Variants in FAF1 observed in about 807,000 individuals in gnomAD.
The protein encoded by FAF1 is FAS-associated factor 1.
In FAF1, 25 loss-of-function variants were observed where a neutral mutation model predicts 92.5. The observed-to-expected ratio is 0.27, with a 90% confidence interval of 0.20 to 0.38. FAF1 has a LOEUF of 0.38. Ranked by LOEUF, FAF1 falls within the 10% of genes least tolerant of loss-of-function variation. The pLI, the probability that FAF1 is intolerant of heterozygous loss-of-function variation, is 1.00. For missense variants in FAF1, 636 were observed against 793.3 expected, an observed-to-expected ratio of 0.80 and a Z score of 2.38; for synonymous variants, 234 against 273.2, an observed-to-expected ratio of 0.86 and a Z score of 1.42.
intron 17 of FAF1, among the ~76,000 whole-genome samples, chr1:50,481,287 C>T (rs1646701263): frequency 1.3e-5 from 2 of 152,218 alleles, no homozygotes; most frequent in South Asian, 4.1e-4. Context: ...TATTCACTCA[C>T]CACTTGCTCA....
intron 1 of FAF1, among the ~76,000 whole-genome samples, chr1:50,868,731 G>A (rs898172920): frequency 2.6e-5 from 4 of 152,080 alleles, no homozygotes; most frequent in Non-Finnish European, 4.4e-5. Flanking sequence ...TCTTTTTGCT[G>A]TTGATTTGTA....
intron 7 of FAF1, among the ~76,000 whole-genome samples, chr1:50,694,703 T>C (rs1180718645): frequency 6.7e-6 from 1 of 149,218 alleles, no homozygotes; most frequent in East Asian, 2.0e-4. Context: ...CTCAGCACTT[T>C]GGGAGGCCGA....
Position 50,490,463 on chromosome 1 carries a change from A to AAGGAAG in FAF1, c.1653+124_1653+125insCTTCCT, listed in dbSNP as rs1557966795. On this transcript the variant is annotated intron_variant, in intron 17 of 18. Coordinates refer to ENST00000396153, the MANE Select transcript of FAF1 (RefSeq NM_007051.3). The stretch of plus-strand genomic sequence containing the variant: ...AGGAAGGAAGGAAGGAAGGAAGGAA[A>AAGGAAG]AAGAAAGAAGGAAGGAAGGAAGGAA... The AAGGAAG allele has an allele frequency of 1.2e-3, 675 of 565,334 alleles. 16 individuals carry two copies. The highest frequency in any genetic ancestry group is 1.6e-3 in the Non-Finnish European group (495 of 318,504). The allele number at this position is 565,334 out of a possible 1,614,324, so 35.0% of individuals were successfully genotyped here.
intron 7 of FAF1, among the ~76,000 whole-genome samples, chr1:50,663,998 C>CT (rs555597172): frequency 0.031 from 3,980 of 128,740 alleles, 225 homozygotes; most frequent in Admixed American, 0.099. Flanking sequence ...ATCTGTTAAT[C>CT]TTTTTTTTTT....
rs1557502961 is a variant in FAF1 at position 50,739,396 on chromosome 1, A to ATACATATATG, written c.460-443_460-442insCATATATGTA. Among the ~76,000 whole-genome samples the ATACATATATG allele has an allele frequency of 1.3e-3, 156 of 117,664 alleles. 1 individual carries two copies. The highest frequency in any genetic ancestry group is 7.2e-3 in the African/African-American group (154 of 21,284). The allele number at this position is 117,664 out of a possible 152,430, so 77.2% of individuals were successfully genotyped here. A position where few individuals can be genotyped will look rare whatever the true frequency, so the allele number is the denominator to read the frequency against. ...CATACATATACATATATGTGTGTTT[A>ATACATATATG]TGTGTATGTGTATACATGTGAGTGT... On this transcript the variant is annotated intron_variant, in intron 5 of 18. Transcript: ENST00000396153.
chr1:50,630,833 T>C (rs1383588729), intron 8 of FAF1, among the ~76,000 whole-genome samples: 1 of 144,144 alleles, frequency 6.9e-6, no homozygotes, highest in Non-Finnish European at 1.5e-5. Context: ...CATATCTTTT[T>C]TTTTTTTTTT....
intron 2 of FAF1, among the ~76,000 whole-genome samples, chr1:50,831,080 T>C (rs183569781): frequency 3.3e-5 from 5 of 152,058 alleles, no homozygotes; most frequent in African/African-American, 1.2e-4. Flanking sequence ...AACCATAGTA[T>C]ATAGAAAAAT....
At chr1:50,722,606 G>A (rs935317306) in intron 6 of FAF1, among the ~76,000 whole-genome samples, 7 of 143,550 alleles carry the variant, frequency 4.9e-5, no homozygotes, top group East Asian at 4.1e-4. Flanking sequence ...CTGAGATCGC[G>A]CCACTGCACT....
intron 7 of FAF1, among the ~76,000 whole-genome samples, chr1:50,694,729 T>G (rs1657109036): frequency 6.8e-6 from 1 of 147,576 alleles, no homozygotes; most frequent in African/African-American, 2.5e-5. Flanking sequence ...GCGGATCACC[T>G]GAGGTCAGGA....
chr1:50,926,018 C>A (rs779523006), intron 1 of FAF1, among the ~76,000 whole-genome samples: 5 of 152,090 alleles, frequency 3.3e-5, no homozygotes, highest in Non-Finnish European at 7.4e-5. Flanking sequence ...GAGTTGAAGA[C>A]CAGGCTGGGT....
At chr1:50,935,571 A>G (rs1382990076) in intron 1 of FAF1, among the ~76,000 whole-genome samples, 1 of 151,836 alleles carries the variant, frequency 6.6e-6, no homozygotes, top group African/African-American at 2.4e-5. Context: ...CCCAGGTTCA[A>G]GCAATTCTCA....
intron 17 of FAF1, among the ~76,000 whole-genome samples, chr1:50,487,494 T>C (rs796995307): frequency 9.2e-5 from 14 of 152,338 alleles, no homozygotes; most frequent in African/African-American, 3.4e-4. Context: ...TTCTTGAAAC[T>C]GATTTTGGAA....
chr1:50,924,695 TAC>T, intron 1 of FAF1, among the ~76,000 whole-genome samples: 1 of 152,204 alleles, frequency 6.6e-6, no homozygotes, highest in East Asian at 1.9e-4. Context: ...TAATAAAAGA[TAC>T]ATAGGCTAGG....
At position 50,539,584 on chromosome 1, in the gene FAF1, T is replaced by C. The variant is rs367877788; in HGVS notation, c.1405+8A>G. ...AAGGCTTTACTCTCCTTGTGACATG[T>C]ACTTTACCTTGTATCACATTCAACA... On this transcript the variant is annotated splice_region_variant and intron_variant, in intron 14 of 18. Coordinates refer to ENST00000396153, the MANE Select transcript of FAF1 (RefSeq NM_007051.3). 1.2e-4 allele frequency: 190 copies of C among 1,609,688 alleles called. No individual in the cohort carries two copies. The highest frequency in any genetic ancestry group is 1.1e-3 in the Admixed American group (63 of 59,770).
chr1:50,551,454 G>A (rs1649306949), intron 13 of FAF1, among the ~76,000 whole-genome samples: 1 of 152,118 alleles, frequency 6.6e-6, no homozygotes, highest in Admixed American at 6.6e-5. Context: ...TGAGGAATCT[G>A]TGTCCCTAAA....
intron 4 of FAF1, among the ~76,000 whole-genome samples, chr1:50,752,673 C>T (rs548060390): frequency 6.6e-6 from 1 of 151,900 alleles, no homozygotes. Context: ...GTTTGATTTG[C>T]TCATTTTTTT....
intron 13 of FAF1, among the ~76,000 whole-genome samples, chr1:50,557,759 A>G (rs936109715): frequency 1.3e-5 from 2 of 152,192 alleles, no homozygotes; most frequent in African/African-American, 2.4e-5. Flanking sequence ...ATTTAGTAAA[A>G]GGTCTGCCGA....
At chr1:50,941,033 GTT>G (rs1216318705) in intron 1 of FAF1, among the ~76,000 whole-genome samples, 15 of 138,198 alleles carry the variant, frequency 1.1e-4, no homozygotes, top group Admixed American at 2.2e-4. Context: ...GGTTTTTTTG[GTT>G]TTTTTTTTTT....
intron 18 of FAF1, among the ~76,000 whole-genome samples, chr1:50,457,800 A>G (rs1490442773): frequency 7.8e-6 from 1 of 127,884 alleles, no homozygotes; most frequent in African/African-American, 3.0e-5. Context: ...GCTACTGGGG[A>G]GGTTGAGGCT....
Sources: allele counts gnomAD v4.1 joint callset (sites outside exome capture counted in the v4.1 genomes callset), GRCh38; gene constraint gnomAD v4.1.1; transcripts MANE v1.5; gene names NCBI Gene and HGNC (gene_info 2026-07-23, HGNC 2026-07-21).